RGPD3: variants seen among roughly 807,000 people sequenced by gnomAD.
RGPD3 encodes ranBP2-like and GRIP domain-containing protein 3.
A neutral mutation model predicts 154.5 loss-of-function variants in RGPD3; 62 were observed. The ratio of observed to expected loss-of-function variants is 0.40; its 90% CI spans 0.33 to 0.50. RGPD3 has a LOEUF of 0.50. Ranked by LOEUF, RGPD3 falls within the 20% of genes least tolerant of loss-of-function variation. The pLI, the probability that RGPD3 is intolerant of heterozygous loss-of-function variation, is 0.59. For synonymous variants in RGPD3, 308 were observed against 607.0 expected, an observed-to-expected ratio of 0.51 and a Z score of 7.24; for missense variants, 919 against 1,716.8, an observed-to-expected ratio of 0.54 and a Z score of 8.21.
rs1469702649 is a variant in RGPD3 at position 106,446,868 on chromosome 2, G to C, written c.978+550C>G. On this transcript the variant is annotated intron_variant, in intron 7 of 22. Coordinates refer to ENST00000409886, the MANE Select transcript of RGPD3 (RefSeq NM_001144013.2). ...CTGCACTCCAGCCTGGCGACAGAGA[G>C]AGACTTGGTCTCAAAAAAAATAAAA... 6.1e-3 allele frequency among the ~76,000 whole-genome samples: 927 copies of C among 151,702 alleles called. 3 individuals are homozygous for C. Among genetic ancestry groups the C allele is most frequent in the Middle Eastern group, 0.01 (3 of 294 alleles).
Position 106,433,030 on chromosome 2 carries a change from A to G in RGPD3, c.2386-12T>C. The G allele has an allele frequency of 1.2e-6, 2 of 1,610,866 alleles. No individual in the cohort carries two copies. The highest frequency in any genetic ancestry group is 1.7e-6 in the Non-Finnish European group (2 of 1,179,714). On this transcript the variant is annotated splice_polypyrimidine_tract_variant and intron_variant, in intron 16 of 22. Coordinates refer to ENST00000409886, the MANE Select transcript of RGPD3 (RefSeq NM_001144013.2). ...GTTTTGGGAGAATACTAAAAAAAAA[A>G]TAAAAATAACAAAAGAGCATTTAAA...
At chr2:106,456,918 T>G (rs560108964) in intron 4 of RGPD3, 53 bp downstream of exon 4, 1 of 1,593,606 alleles carries the variant, frequency 6.3e-7, no homozygotes, top group Admixed American at 1.8e-5. Context: ...AAACTCCAAA[T>G]ATTAGAAATG....
Position 106,468,225 on chromosome 2 carries a change from G to T in RGPD3, c.64C>A (p.Pro22Thr), listed in dbSNP as rs1227734607. ...VASVQGSAPSPRKKSTRGFYF... is the reference protein window; with the variant it reads ...VASVQGSAPSTRKKSTRGFYF... Reference sequence around the variant, plus strand: ...CTTCCAGACCCACTCACCTTTCGAGGCGACGGGGCGGAGCCCTGCACCGAG... The same window carrying T: ...CTTCCAGACCCACTCACCTTTCGAGTCGACGGGGCGGAGCCCTGCACCGAG... The change falls in exon 1 of 23, where the codon CCT becomes ACT. Residue 22 changes from proline (P) to threonine (T), a missense_variant. Coordinates refer to ENST00000409886, the MANE Select transcript of RGPD3 (RefSeq NM_001144013.2). 2 of 1,605,936 alleles carry T rather than the reference G, an allele frequency of 1.2e-6. No homozygotes were observed. The highest frequency in any genetic ancestry group is 1.7e-5 in the Admixed American group (1 of 59,308).
Position 106,413,148 on chromosome 2 carries a change from A to G in RGPD3, c.5202T>C (p.Pro1734=), listed in dbSNP as rs372683400. 5,937 of 1,611,642 alleles carry G rather than the reference A, an allele frequency of 3.7e-3. 60 individuals carry two copies. Among genetic ancestry groups the G allele is most frequent in the Middle Eastern group, 5.4e-3 (24 of 4,418 alleles). ...KPGSERERLL[P]VINTMLQLSL... ...TGAGCTGCAACATCGTATTTATAAC[A>G]GGAAGAAGTCTCTCTCTTTCACTAC... is the stretch of plus-strand genomic sequence containing the variant. The change falls in exon 22 of 23, where the codon CCT becomes CCC. Residue 1734 remains proline, a synonymous_variant. Coordinates refer to ENST00000409886, the MANE Select transcript of RGPD3 (RefSeq NM_001144013.2).
At chr2:106,463,996 G>A (rs1678482043) in intron 1 of RGPD3, among the ~76,000 whole-genome samples, 1 of 151,986 alleles carries the variant, frequency 6.6e-6, no homozygotes, top group South Asian at 2.1e-4. Flanking sequence ...AAAGAATGAG[G>A]GGCAAACCAA....
At chr2:106,419,966 A>ACT (rs1676928591) in intron 20 of RGPD3, among the ~76,000 whole-genome samples, 1 of 150,916 alleles carries the variant, frequency 6.6e-6, no homozygotes, top group African/African-American at 2.4e-5. Flanking sequence ...CATTGAAAAG[A>ACT]ATTACTACAA....
chr2:106,405,366 G>GA (rs1456640541), intron 22 of RGPD3, 137 bp from the exon 23 acceptor site: 1 of 995,458 alleles, frequency 1.0e-6, no homozygotes, highest in Non-Finnish European at 1.4e-6. Context: ...TTGTTGGGTG[G>GA]GGGGGGTTCT....
At position 106,425,195 on chromosome 2, in the gene RGPD3, T is replaced by C. The variant is rs774798476; in HGVS notation, c.2772A>G (p.Lys924=). 1.9e-6 allele frequency: 3 copies of C among 1,611,770 alleles called. No individual in the cohort carries two copies. The highest frequency in any genetic ancestry group is 1.7e-6 in the Non-Finnish European group (2 of 1,179,772). Residue 924 remains lysine (K), a synonymous_variant, in exon 20 of 23, where the codon AAA becomes AAG. Coordinates refer to ENST00000409886, the MANE Select transcript of RGPD3 (RefSeq NM_001144013.2). The stretch of plus-strand genomic sequence containing the variant: ...GATTTCCTGGTTCCGAAATGCCAAA[T>C]TTAAATCCATCAGCAGACACAGGGA... ...FSIPVSADGF[K]FGISEPGNQE...
intron 20 of RGPD3, among the ~76,000 whole-genome samples, chr2:106,420,453 G>A (rs1414256817): frequency 6.6e-6 from 1 of 151,954 alleles, no homozygotes; most frequent in African/African-American, 2.4e-5. Flanking sequence ...AGCATGCCAT[G>A]TATAGCAACT....
chr2:106,428,984 C>A (rs970983178), intron 18 of RGPD3, among the ~76,000 whole-genome samples: 1 of 151,476 alleles, frequency 6.6e-6, no homozygotes, highest in African/African-American at 2.4e-5. Context: ...CACTTTTGCA[C>A]ATAGCCAACC....
In RGPD3 at chr2:106,442,373, G is replaced by A. The variant is rs1357945043; in HGVS notation, c.979-993C>T. On this transcript the variant is annotated intron_variant, in intron 7 of 22. Coordinates refer to ENST00000409886, the MANE Select transcript of RGPD3 (RefSeq NM_001144013.2). ...TGACACCCTACTTTAAAAAGTACAG[G>A]TGAAATGACACTTGGAAATGCCACA... Among the ~76,000 whole-genome samples the A allele has an allele frequency of 2.0e-3, 208 of 104,892 alleles. 1 individual carries two copies. The highest frequency in any genetic ancestry group is 2.3e-3 in the Non-Finnish European group (121 of 53,102). 68.8% of individuals were successfully genotyped at this position (104,892 alleles called of 152,430 possible).
intron 21 of RGPD3, among the ~76,000 whole-genome samples, chr2:106,414,638 A>G (rs1676768719): frequency 6.6e-6 from 1 of 151,236 alleles, no homozygotes; most frequent in Admixed American, 6.6e-5. Context: ...AAAAGAAAAT[A>G]TAACATTTAA....
chr2:106,432,778 T>TAAAAA (rs71272785), intron 17 of RGPD3, among the ~76,000 whole-genome samples, 157 bp downstream of exon 17: 1 of 76,094 alleles, frequency 1.3e-5, no homozygotes, highest in African/African-American at 4.8e-5. Context: ...GACCCTGCCT[T>TAAAAA]AAAAAAAAAA....
At chr2:106,446,775 G>A (rs1316848693) in intron 7 of RGPD3, among the ~76,000 whole-genome samples, 13 of 147,522 alleles carry the variant, frequency 8.8e-5, no homozygotes, top group South Asian at 2.2e-4. Context: ...CCAGCTACTC[G>A]GGAGGCTGAG....
chr2:106,426,144 G>T (rs1677189878), intron 18 of RGPD3, 56 bp from the exon 19 acceptor site: 1 of 1,572,506 alleles, frequency 6.4e-7, no homozygotes, highest in Non-Finnish European at 8.5e-7. Flanking sequence ...CTACAGTTAA[G>T]ACTATCTAGG....
intron 1 of RGPD3, among the ~76,000 whole-genome samples, chr2:106,463,395 A>G (rs1213186198): frequency 6.6e-6 from 1 of 152,230 alleles, no homozygotes; most frequent in East Asian, 1.9e-4. Flanking sequence ...GAATCACTTG[A>G]ACCCGGGAGG....
In RGPD3 at chr2:106,424,748, C is replaced by T. The variant is rs1328015508; in HGVS notation, c.3219G>A (p.Glu1073=). The change falls in exon 20 of 23, where the codon GAG becomes GAA. Residue 1073 remains glutamate, a synonymous_variant. Coordinates refer to ENST00000409886, the MANE Select transcript of RGPD3 (RefSeq NM_001144013.2). ...AGCCCCTTTCTTTCCACTGACTTAC[C>T]TCAGCATCAAATCTAAATAGTTTTA... ...QGVKLFRFDA[E]VSQWKERGLG... is the part of the protein sequence containing the mutation. 6.2e-7 allele frequency: 1 copy of T among 1,611,870 alleles called. No individual in the cohort carries two copies. The highest frequency in any genetic ancestry group is 2.2e-5 in the East Asian group (1 of 44,876).
chr2:106,452,789 CAATCTTT>C lies in RGPD3; in HGVS notation c.536_542del (p.Lys179ArgfsTer15). The C allele has an allele frequency of 5.1e-6, 3 of 591,318 alleles. No individual in the cohort carries two copies. Among genetic ancestry groups the C allele is most frequent in the Non-Finnish European group, 8.2e-6 (3 of 366,330 alleles). The allele number at this position is 591,318 out of a possible 1,614,324, so 36.6% of individuals were successfully genotyped here. A position where few individuals can be genotyped will look rare whatever the true frequency, so the allele number is the denominator to read the frequency against. On this transcript the variant is annotated frameshift_variant, in exon 5 of 23. Coordinates refer to ENST00000409886, the MANE Select transcript of RGPD3 (RefSeq NM_001144013.2). LOFTEE classifies it high-confidence loss of function. ...CATGGCAGCGGGCCACAGCATCCTT[CAATCTTT>C]TAGTTGAGCGATACAACTCCACTAG...
Position 106,410,679 on chromosome 2 carries a change from T to A in RGPD3, c.5266+2405A>T, listed in dbSNP as rs542343352. 3.0e-4 allele frequency among the ~76,000 whole-genome samples: 46 copies of A among 152,300 alleles called. 2 individuals are homozygous for A. In the South Asian group the frequency reaches 9.3e-3, roughly 31 times the overall value. On this transcript the variant is annotated intron_variant, in intron 22 of 22. Transcript: ENST00000409886. ...TATAAAATTAGTTATAATTTTGAGA[T>A]TTCTGTCTTGCTTTTTATAGGGGCA...
Sources: allele counts gnomAD v4.1 joint callset (sites outside exome capture counted in the v4.1 genomes callset), GRCh38; gene constraint gnomAD v4.1.1; transcripts MANE v1.5; gene names NCBI Gene and HGNC (gene_info 2026-07-23, HGNC 2026-07-21).